RABGAP1L: variants seen among roughly 807,000 people sequenced by gnomAD.
RABGAP1L encodes rab GTPase-activating protein 1-like.
A neutral mutation model predicts 137.7 loss-of-function variants in RABGAP1L; 63 were observed. That is an observed-to-expected ratio of 0.46 (90% CI 0.37 to 0.56). The LOEUF is 0.56. Among genes scored for constraint, RABGAP1L ranks in the 20% least tolerant of loss-of-function variants. The probability of loss-of-function intolerance (pLI) is 0.00; values close to 1 mark genes in which losing one functional copy is unlikely to be tolerated. For synonymous variants in RABGAP1L, 431 were observed against 433.7 expected, an observed-to-expected ratio of 0.99 and a Z score of 0.08; for missense variants, 1,095 against 1,244.0, an observed-to-expected ratio of 0.88 and a Z score of 1.80.
intron 18 of RABGAP1L, among the ~76,000 whole-genome samples, chr1:174,763,762 C>G (rs1165223654): frequency 2.4e-4 from 32 of 134,196 alleles, no homozygotes; most frequent in Non-Finnish European, 4.2e-4. Context: ...GGCGTGAACC[C>G]GGGAGGCGGA....
At chr1:174,162,365 T>C (rs1324901793) in intron 1 of RABGAP1L, among the ~76,000 whole-genome samples, 1 of 152,204 alleles carries the variant, frequency 6.6e-6, no homozygotes, top group Admixed American at 6.5e-5. Flanking sequence ...CAGAAAGTCC[T>C]TTTATCCATG....
At chr1:174,518,264 A>G (rs1002887615) in intron 13 of RABGAP1L, among the ~76,000 whole-genome samples, 3 of 152,136 alleles carry the variant, frequency 2.0e-5, no homozygotes, top group African/African-American at 7.2e-5. Flanking sequence ...GGATTGAACT[A>G]TCCGTATAAA....
chr1:174,694,144 CAT>C (rs1350301009), intron 15 of RABGAP1L, among the ~76,000 whole-genome samples: 9 of 152,008 alleles, frequency 5.9e-5, no homozygotes, highest in African/African-American at 1.4e-4. Context: ...GCAAATATAA[CAT>C]ATATGGTTAC....
chr1:174,615,128 C>T lies in RABGAP1L; in HGVS notation c.1711-22247C>T, dbSNP rs111839834. Among the ~76,000 whole-genome samples, 28 of 152,336 alleles carry T rather than the reference C, an allele frequency of 1.8e-4. 1 individual carries two copies. Among genetic ancestry groups the T allele is most frequent in the Middle Eastern group, 6.8e-3 (2 of 294 alleles). On this transcript the variant is annotated intron_variant, in intron 13 of 25. Transcript: ENST00000681986. ...TTGTTTCGTTGCTGGTGAGGAACTG[C>T]GTTCCTTTGGAGGAGAAGAGGTGCT...
At chr1:174,466,648 G>A (rs369515991) in intron 13 of RABGAP1L, among the ~76,000 whole-genome samples, 12 of 152,242 alleles carry the variant, frequency 7.9e-5, no homozygotes, top group African/African-American at 2.4e-4. Context: ...CTAGCCAGGC[G>A]TGGTGGCACA....
rs1651180528 is a variant in RABGAP1L at position 174,420,779 on chromosome 1, A to ATTCTCCTGTC, written c.1710+26636_1710+26645dup. On this transcript the variant is annotated intron_variant, in intron 13 of 25. Coordinates refer to ENST00000681986, the MANE Select transcript of RABGAP1L (RefSeq NM_001366446.1). ...AAGCTCCACCTCCTGGGTTCACGCCATTCTCCTGTCTCAGCCTCCCGAGTA... is the reference window on the plus strand; with the variant it reads ...AAGCTCCACCTCCTGGGTTCACGCCATTCTCCTGTCTTCTCCTGTCTCAGCCTCCCGAGTA... Among the ~76,000 whole-genome samples, 5 of 149,620 alleles carry ATTCTCCTGTC rather than the reference A, an allele frequency of 3.3e-5. No homozygotes were observed. The Admixed American group carries it at 3.3e-4, about 10-fold the overall frequency.
At chr1:174,366,872 CAG>C (rs1409572726) in intron 11 of RABGAP1L, among the ~76,000 whole-genome samples, 9 of 148,208 alleles carry the variant, frequency 6.1e-5, no homozygotes, top group Non-Finnish European at 7.4e-5. Context: ...AGAAGTCAAA[CAG>C]ATAATGGTTC....
At chr1:174,175,649 G>A (rs1449341467) in intron 1 of RABGAP1L, among the ~76,000 whole-genome samples, 2 of 138,788 alleles carry the variant, frequency 1.4e-5, no homozygotes, top group Admixed American at 1.5e-4. Flanking sequence ...TTTTTGAGAC[G>A]GAGTCTTGCT....
chr1:174,486,474 G>A (rs939192539), intron 13 of RABGAP1L, among the ~76,000 whole-genome samples: 1 of 151,152 alleles, frequency 6.6e-6, no homozygotes, highest in Non-Finnish European at 1.5e-5. Context: ...AGCCTCCCGA[G>A]TAGCTGGGAC....
intron 20 of RABGAP1L, among the ~76,000 whole-genome samples, chr1:174,960,562 C>A (rs1349153519): frequency 6.6e-6 from 1 of 151,936 alleles, no homozygotes; most frequent in Non-Finnish European, 1.5e-5. Flanking sequence ...GATTGCACAA[C>A]TTTGTGAATA....
chr1:174,731,940 C>T (rs1457434333), intron 17 of RABGAP1L, among the ~76,000 whole-genome samples: 1 of 152,214 alleles, frequency 6.6e-6, no homozygotes, highest in African/African-American at 2.4e-5. Context: ...TGGTGGTTCA[C>T]ACCTGTAATC....
intron 19 of RABGAP1L, among the ~76,000 whole-genome samples, chr1:174,914,451 A>G (rs911463676): frequency 3.9e-5 from 6 of 152,224 alleles, no homozygotes; most frequent in South Asian, 2.1e-4. Context: ...CACAAGCCCA[A>G]TTGACAGGAA....
At position 174,989,911 on chromosome 1, in the gene RABGAP1L, T is replaced by C; in HGVS notation, c.3066T>C (p.Phe1022=). The change falls in exon 26 of 26, where the codon TTT becomes TTC. Residue 1022 remains phenylalanine, a synonymous_variant. Coordinates refer to ENST00000681986, the MANE Select transcript of RABGAP1L (RefSeq NM_001366446.1). Reference sequence around the variant, plus strand: ...TCCAAGCTGCGAAAAACTCTTGGTTTAGCAAAACCCTGAACTCTATCAAAA... The same window carrying C: ...TCCAAGCTGCGAAAAACTCTTGGTTCAGCAAAACCCTGAACTCTATCAAAA... The part of the protein sequence containing the change: ...NEIQAAKNSW[F]SKTLNSIKTA... 6.4e-7 allele frequency: 1 copy of C among 1,550,480 alleles called. No individual in the cohort carries two copies.
At chr1:174,550,730 C>G (rs192656785) in intron 13 of RABGAP1L, among the ~76,000 whole-genome samples, 2 of 150,396 alleles carry the variant, frequency 1.3e-5, no homozygotes, top group African/African-American at 4.9e-5. Flanking sequence ...TTATAAAACC[C>G]GCTACCAAGC....
intron 24 of RABGAP1L, among the ~76,000 whole-genome samples, chr1:174,988,009 C>T (rs868840187): frequency 6.6e-6 from 1 of 152,108 alleles, no homozygotes; most frequent in African/African-American, 2.4e-5. Context: ...CGAGGTTTCA[C>T]CGTGTTAGCC....
intron 1 of RABGAP1L, among the ~76,000 whole-genome samples, chr1:174,169,809 G>A (rs982121067): frequency 3.3e-5 from 5 of 151,870 alleles, no homozygotes; most frequent in Non-Finnish European, 5.9e-5. Context: ...TCCAACCTTC[G>A]TCTCAGGAGT....
intron 18 of RABGAP1L, among the ~76,000 whole-genome samples, chr1:174,811,024 C>T (rs948232629): frequency 3.9e-5 from 6 of 151,994 alleles, no homozygotes. Context: ...ATCACTTGAG[C>T]CTGGGAGGTT....
intron 12 of RABGAP1L, among the ~76,000 whole-genome samples, chr1:174,374,113 AT>A (rs1436912756): frequency 6.6e-6 from 1 of 152,144 alleles, no homozygotes; most frequent in Non-Finnish European, 1.5e-5. Context: ...TGTGGATGTG[AT>A]TGATAGTATT....
At chr1:174,388,173 T>C (rs1686956786) in intron 12 of RABGAP1L, among the ~76,000 whole-genome samples, 1 of 152,214 alleles carries the variant, frequency 6.6e-6, no homozygotes, top group African/African-American at 2.4e-5. Flanking sequence ...AAAGTGAGGA[T>C]ACAGTATATA....
Sources: gnomAD v4.1 joint callset for allele counts (sites outside exome capture counted in the v4.1 genomes callset) on GRCh38, gnomAD v4.1.1 for gene constraint, MANE v1.5 for transcripts, NCBI Gene and HGNC (gene_info 2026-07-23, HGNC 2026-07-21) for gene names.